IQCK: variants seen among roughly 807,000 people sequenced by gnomAD.
The protein encoded by IQCK is IQ motif containing K, also known as IQ domain-containing protein K.
In IQCK, 29 loss-of-function variants were observed where a neutral mutation model predicts 28.1. The ratio of observed to expected loss-of-function variants is 1.03; its 90% CI spans 0.77 to 1.41. The LOEUF (loss-of-function observed/expected upper bound fraction) is 1.41, where lower values mean the gene tolerates loss of function less well. Among genes scored for constraint, IQCK ranks in the 40% most tolerant of loss-of-function variants. IQCK has a pLI of 0.00. For missense variants in IQCK, 359 were observed against 314.7 expected (o/e 1.14, Z -1.07); for synonymous variants, 113 against 115.1 (o/e 0.98, Z 0.12).
chr16:19,819,291 G>T (rs2056032408), intron 7 of IQCK, among the ~76,000 whole-genome samples: 2 of 152,036 alleles, frequency 1.3e-5, no homozygotes, highest in South Asian at 4.2e-4. Flanking sequence ...TCAGGAGTTT[G>T]AGACGAGCCT....
intron 9 of IQCK, among the ~76,000 whole-genome samples, chr16:19,845,392 C>G (rs2056405770): frequency 6.6e-6 from 1 of 152,196 alleles, no homozygotes; most frequent in African/African-American, 2.4e-5. Flanking sequence ...TGGGATATTT[C>G]TAAAGGTTCA....
chr16:19,815,596 G>A (rs895179200), intron 7 of IQCK, among the ~76,000 whole-genome samples: 7 of 152,142 alleles, frequency 4.6e-5, no homozygotes, highest in East Asian at 1.9e-4. Context: ...CCTTGAGCCC[G>A]GGAGTTTCAG....
chr16:19,751,865 T>C (rs972086081), intron 4 of IQCK, among the ~76,000 whole-genome samples: 1 of 152,180 alleles, frequency 6.6e-6, no homozygotes, highest in East Asian at 1.9e-4. Flanking sequence ...TGCATTGCCA[T>C]TGACCTTTCT....
chr16:19,735,132 A>C (rs1026118198), intron 3 of IQCK, among the ~76,000 whole-genome samples: 1 of 152,128 alleles, frequency 6.6e-6, no homozygotes, highest in Non-Finnish European at 1.5e-5. Flanking sequence ...GGCCTTATGT[A>C]GGATACTTCC....
chr16:19,830,088 C>A (rs996748194), downstream of IQCK, among the ~76,000 whole-genome samples: 1 of 152,138 alleles, frequency 6.6e-6, no homozygotes, highest in African/African-American at 2.4e-5. Context: ...AAACAAAGTT[C>A]CTGGTGCAGA....
chr16:19,726,656 T>C (rs958038209), intron 1 of IQCK, among the ~76,000 whole-genome samples: 1 of 152,150 alleles, frequency 6.6e-6, no homozygotes, highest in Non-Finnish European at 1.5e-5. Flanking sequence ...CACAGAATGG[T>C]TCATAGCAGG....
Position 19,761,324 on chromosome 16 carries a change from ATC to A in IQCK, c.475-2518_475-2517del, listed in dbSNP as rs550074998. 27 of 443,812 alleles carry A rather than the reference ATC, an allele frequency of 6.1e-5. No individual in the cohort carries two copies. The Admixed American group carries it at 6.1e-4, about 10-fold the overall frequency. The allele number at this position is 443,812 out of a possible 1,614,324, so 27.5% of individuals were successfully genotyped here. A position where few individuals can be genotyped will look rare whatever the true frequency, so the allele number is the denominator to read the frequency against. ...CTAATGTTCTTTTTTTCCCTCCTTC[ATC>A]TCTCTGGTCTCCTGCTGGTACCACC... is the stretch of plus-strand genomic sequence containing the variant. On this transcript the variant is annotated intron_variant, in intron 4 of 7. Coordinates refer to ENST00000564186, the Ensembl canonical transcript of IQCK.
chr16:19,760,079 AT>A (rs2055114792), intron 4 of IQCK, among the ~76,000 whole-genome samples: 1 of 152,220 alleles, frequency 6.6e-6, no homozygotes, highest in East Asian at 1.9e-4. Flanking sequence ...GAGAGAGATC[AT>A]GCCACTATAC....
intron 6 of IQCK, among the ~76,000 whole-genome samples, chr16:19,781,633 A>T (rs2055485865): frequency 6.6e-6 from 1 of 152,242 alleles, no homozygotes; most frequent in Non-Finnish European, 1.5e-5. Context: ...TATGTCTGGG[A>T]GTACCATTCC....
intron 7 of IQCK, among the ~76,000 whole-genome samples, chr16:19,793,994 C>T (rs555220771): frequency 3.1e-4 from 1 of 3,178 alleles, no homozygotes; most frequent in Non-Finnish European, 6.8e-4. Flanking sequence ...TATTCACATG[C>T]GAAAGAATGA....
chr16:19,799,595 TATACACAC>T lies in IQCK; in HGVS notation c.690+10675_690+10682del, dbSNP rs1468049815. ...CTATATTTTATTTTATATATATATA[TATACACAC>T]ACACACACACACACACACACACACA... is the stretch of plus-strand genomic sequence containing the variant. On this transcript the variant is annotated intron_variant, in intron 7 of 7. Coordinates refer to ENST00000564186, the Ensembl canonical transcript of IQCK. 2.9e-3 allele frequency among the ~76,000 whole-genome samples: 321 copies of T among 112,254 alleles called. 6 individuals are homozygous for T. Among genetic ancestry groups the T allele is most frequent in the African/African-American group, 9.2e-3 (180 of 19,588 alleles). The allele number at this position is 112,254 out of a possible 152,430, so 73.6% of individuals were successfully genotyped here.
intron 4 of IQCK, among the ~76,000 whole-genome samples, chr16:19,743,446 A>C (rs919891332): frequency 6.6e-6 from 1 of 152,236 alleles, no homozygotes. Context: ...CAGACAATGG[A>C]GAGCCAGAGA....
intron 4 of IQCK, among the ~76,000 whole-genome samples, chr16:19,757,422 C>T (rs1028372021): frequency 4.6e-5 from 7 of 152,328 alleles, no homozygotes; most frequent in South Asian, 2.1e-4. Flanking sequence ...CCTGTAATCC[C>T]AGCACTTTGG....
intron 6 of IQCK, among the ~76,000 whole-genome samples, chr16:19,781,536 T>G (rs1019370562): frequency 1.3e-5 from 2 of 152,168 alleles, no homozygotes; most frequent in African/African-American, 4.8e-5. Context: ...AGAGTAAAGC[T>G]CTGCAGGTTT....
chr16:19,725,988 T>C (rs1977642727), intron 1 of IQCK, among the ~76,000 whole-genome samples: 1 of 151,428 alleles, frequency 6.6e-6, no homozygotes, highest in Non-Finnish European at 1.5e-5. Flanking sequence ...CGATCTCTGC[T>C]CACCGCAAGC....
intron 4 of IQCK, among the ~76,000 whole-genome samples, chr16:19,750,741 C>T (rs1341887843): frequency 2.6e-5 from 4 of 152,090 alleles, no homozygotes; most frequent in African/African-American, 7.2e-5. Flanking sequence ...GGATTACAGA[C>T]GTGAGCCACC....
chr16:19,731,591 G>A (rs1879441178), intron 2 of IQCK, among the ~76,000 whole-genome samples: 1 of 152,136 alleles, frequency 6.6e-6, no homozygotes. Flanking sequence ...AATATATGTT[G>A]ATCTTCGTCT....
At chr16:19,764,573 A>G (rs896743925) in intron 6 of IQCK, among the ~76,000 whole-genome samples, 3 of 152,158 alleles carry the variant, frequency 2.0e-5, no homozygotes, top group African/African-American at 7.2e-5. Flanking sequence ...TCCTCCCCAC[A>G]TTGAAGTAAT....
intron 1 of IQCK, among the ~76,000 whole-genome samples, chr16:19,726,743 C>T (rs555172419): frequency 6.6e-6 from 1 of 152,230 alleles, no homozygotes; most frequent in Admixed American, 6.5e-5. Flanking sequence ...TCTGTTCATC[C>T]ATTCGTTCAT....
Sources: allele counts gnomAD v4.1 joint callset (sites outside exome capture counted in the v4.1 genomes callset), GRCh38; gene constraint gnomAD v4.1.1; transcripts MANE v1.5; gene names NCBI Gene and HGNC (gene_info 2026-07-23, HGNC 2026-07-21).